The following CDH23 variants were observed in gnomAD, a reference collection of about 807,000 sequenced individuals.
CDH23 encodes cadherin related 23, also known as cadherin-23.
CDH23 carries 189 observed loss-of-function variants against 317.1 expected under a neutral mutation model. The ratio of observed to expected loss-of-function variants is 0.60; its 90% CI spans 0.53 to 0.67. CDH23 has a LOEUF of 0.67. Ranked by LOEUF, CDH23 falls within the 30% of genes least tolerant of loss-of-function variation. The pLI is 0.00. For synonymous variants in CDH23, 1,839 were observed against 1,876.8 expected, an observed-to-expected ratio of 0.98 and a Z score of 0.52; for missense variants, 4,401 against 4,592.4, an observed-to-expected ratio of 0.96 and a Z score of 1.20.
intron 38 of CDH23, chr10:71,755,259 T>C (rs903011522): frequency 4.8e-6 from 5 of 1,049,740 alleles, no homozygotes; most frequent in Non-Finnish European, 7.0e-6. Context: ...GAAAAGGAAT[T>C]GTGCCTGCAT....
intron 41 of CDH23, among the ~76,000 whole-genome samples, chr10:71,781,105 G>A (rs1840941146): frequency 1.3e-5 from 2 of 152,202 alleles, no homozygotes; most frequent in African/African-American, 4.8e-5. Context: ...GGTCTGGGCT[G>A]GAGACGGGTA....
chr10:71,807,223 G>A, intron 57 of CDH23, 54 bp from the exon 58 acceptor site: 1 of 1,597,130 alleles, frequency 6.3e-7, no homozygotes, highest in Non-Finnish European at 8.6e-7. Flanking sequence ...AACAGGGACT[G>A]GAAGCTCGGG....
At position 71,712,808 on chromosome 10, in the gene CDH23, T is replaced by G. The variant is rs77821631; in HGVS notation, c.3364T>G (p.Leu1122Val). 1,998 of 1,611,752 alleles carry G rather than the reference T, an allele frequency of 1.2e-3. 24 individuals are homozygous for G. In the African/African-American group the frequency reaches 0.023, roughly 19 times the overall value. The change falls in exon 28 of 70, where the codon TTG becomes GTG. Residue 1122 changes from leucine (L) to valine (V), a missense_variant. Physicochemically the swap from Leu to Val is conservative, Grantham distance 32. Coordinates refer to ENST00000224721, the MANE Select transcript of CDH23 (RefSeq NM_022124.6). Reference protein sequence around the residue: ...PEDIPEGHSILQLKATDADEG... With the variant: ...PEDIPEGHSIVQLKATDADEG... Reference sequence around the variant, plus strand: ...GGACATCCCTGAAGGCCACAGCATCTTGCAGGCAGGTGGCCCGTGGCCTCT... The same window carrying G: ...GGACATCCCTGAAGGCCACAGCATCGTGCAGGCAGGTGGCCCGTGGCCTCT...
intron 14 of CDH23, among the ~76,000 whole-genome samples, chr10:71,672,580 C>A (rs540973398): frequency 6.6e-6 from 1 of 152,192 alleles, no homozygotes; most frequent in East Asian, 1.9e-4. Flanking sequence ...GATCAGCATC[C>A]GCAGCCTGGG....
intron 27 of CDH23, among the ~76,000 whole-genome samples, chr10:71,710,937 TGAGGGCCCCA>T (rs1464698184): frequency 1.3e-5 from 2 of 152,172 alleles, no homozygotes; most frequent in Admixed American, 6.5e-5. Flanking sequence ...AGGGAGCCCT[TGAGGGCCCCA>T]GAGGGGAAGA....
At chr10:71,561,394 T>C (rs1857124294) in intron 6 of CDH23, among the ~76,000 whole-genome samples, 2 of 152,064 alleles carry the variant, frequency 1.3e-5, no homozygotes, top group South Asian at 4.2e-4. Context: ...CTTTTCTCCC[T>C]TGCTGCACAC....
intron 6 of CDH23, among the ~76,000 whole-genome samples, chr10:71,545,998 G>A (rs1856258305): frequency 6.6e-6 from 1 of 152,170 alleles, no homozygotes; most frequent in Non-Finnish European, 1.5e-5. Flanking sequence ...TGAAAGCAGA[G>A]GGTTTTGGAG....
At chr10:71,532,319 T>C (rs937358261) in intron 6 of CDH23, among the ~76,000 whole-genome samples, 2 of 152,234 alleles carry the variant, frequency 1.3e-5, no homozygotes, top group Non-Finnish European at 2.9e-5. Context: ...TCCGCCAGCC[T>C]CCTGGCTGCG....
chr10:71,678,648 T>C (rs1864476012), intron 16 of CDH23, among the ~76,000 whole-genome samples: 1 of 152,186 alleles, frequency 6.6e-6, no homozygotes, highest in Admixed American at 6.5e-5. Context: ...CTGCCCTCCC[T>C]GCTCAGCTCC....
rs758397920 is a variant in CDH23, at chr10:71,677,531, C to T, written c.1590C>T (p.Thr530=). 2.2e-5 allele frequency: 35 copies of T among 1,612,128 alleles called. No individual in the cohort carries two copies. The highest frequency in any genetic ancestry group is 1.7e-5 in the Admixed American group (1 of 59,794). Residue 530 remains threonine (T), a synonymous_variant, in exon 16 of 70, where the codon ACC becomes ACT. Coordinates refer to ENST00000224721, the MANE Select transcript of CDH23 (RefSeq NM_022124.6). ...RLDYELIQRF[T]LTIIARDGGG... ...ACTATGAGCTCATCCAGCGCTTCACCCTGACGATCATTGCCCGGGACGGGG... is the reference window on the plus strand; with the variant it reads ...ACTATGAGCTCATCCAGCGCTTCACTCTGACGATCATTGCCCGGGACGGGG...
Position 71,784,477 on chromosome 10 carries a change from G to C in CDH23, c.5502+57G>C, listed in dbSNP as rs369816877. ...CCTCGCTGCCCCTGTACTTGCCACA[G>C]AGATTCTTGTAAACATTGTTACCCT... On this transcript the variant is annotated intron_variant, in intron 42 of 69. Coordinates refer to ENST00000224721, the MANE Select transcript of CDH23 (RefSeq NM_022124.6). 3.8e-6 allele frequency: 6 copies of C among 1,578,654 alleles called. No individual in the cohort carries two copies. The East Asian group carries it at 6.7e-5, about 18-fold the overall frequency.
intron 24 of CDH23, among the ~76,000 whole-genome samples, 186 bp from the exon 25 acceptor site, chr10:71,704,725 G>A (rs533978859): frequency 8.9e-4 from 135 of 152,294 alleles, no homozygotes; most frequent in African/African-American, 3.2e-3. Context: ...GCTGACATGC[G>A]ACCCCCTTAG....
rs117358671 is a variant in CDH23 at position 71,708,472 on chromosome 10, G to A, written c.3107-626G>A. On this transcript the variant is annotated intron_variant, in intron 26 of 69. Coordinates refer to ENST00000224721, the MANE Select transcript of CDH23 (RefSeq NM_022124.6). ...TTCTGGGAGTTCCTTCCTGACTCCCGTCCACCGCGAGAGGAGACCCTCACA... is the reference window on the plus strand; with the variant it reads ...TTCTGGGAGTTCCTTCCTGACTCCCATCCACCGCGAGAGGAGACCCTCACA... Among the ~76,000 whole-genome samples the A allele has an allele frequency of 5.8e-4, 88 of 152,282 alleles. 1 individual carries two copies. In the East Asian group the frequency reaches 0.013, roughly 22 times the overall value.
At position 71,705,042 on chromosome 10, in the gene CDH23, C is replaced by A; in HGVS notation, c.2865C>A (p.Arg955=). The A allele has an allele frequency of 6.2e-7, 1 of 1,612,698 alleles. No individual in the cohort carries two copies. The part of the protein sequence containing the change: ...GVVVTTTELD[R]ERIAEYQLRV... ...TGGTCACCACCACCGAGCTGGACCG[C>A]GAGCGCATCGCGGAGTACCAGCTGC... Residue 955 remains arginine (R), a synonymous_variant, in exon 25 of 70, where the codon CGC becomes CGA. Coordinates refer to ENST00000224721, the MANE Select transcript of CDH23 (RefSeq NM_022124.6).
chr10:71,803,414 CAG>C lies in CDH23; in HGVS notation c.7871_7872del (p.Glu2624GlyfsTer18). The C allele has an allele frequency of 6.3e-7, 1 of 1,590,756 alleles. No individual in the cohort carries two copies. Among genetic ancestry groups the C allele is most frequent in the Non-Finnish European group, 8.6e-7 (1 of 1,169,360 alleles). On this transcript the variant is annotated frameshift_variant, in exon 55 of 70. Transcript: ENST00000224721. LOFTEE classifies it high-confidence loss of function. Reference protein sequence around the residue: ...RPPNGTILHIREEIPLRSNVY... With the variant: ...RPPNGTILHIXEEIPLRSNVY... Reference sequence around the variant, plus strand: ...CACCCAACGGCACCATCCTCCACATCAGAGAGGTACTCCTGCCCCGAGGGCCT... The same window carrying C: ...CACCCAACGGCACCATCCTCCACATCAGAGGTACTCCTGCCCCGAGGGCCT...
intron 6 of CDH23, among the ~76,000 whole-genome samples, chr10:71,521,659 C>T (rs1439042149): frequency 6.6e-6 from 1 of 152,210 alleles, no homozygotes; most frequent in East Asian, 1.9e-4. Flanking sequence ...GGAGGTTGGT[C>T]CTTTATCCCC....
chr10:71,500,018 C>CAAAAAAA (rs34690494), intron 3 of CDH23, among the ~76,000 whole-genome samples: 2 of 94,864 alleles, frequency 2.1e-5, no homozygotes, highest in African/African-American at 3.8e-5. Context: ...GACTCCATCT[C>CAAAAAAA]AAAAAAAAAA....
chr10:71,589,671 G>A lies in CDH23; in HGVS notation c.832+11679G>A, dbSNP rs575617853. ...GGCAGCCCTTGAAGGAGAGTTTGGG[G>A]AGATGGTGAGGAAGAAGGGTTGCCA... On this transcript the variant is annotated intron_variant, in intron 9 of 69. Coordinates refer to ENST00000224721, the MANE Select transcript of CDH23 (RefSeq NM_022124.6). 2.6e-5 allele frequency among the ~76,000 whole-genome samples: 4 copies of A among 152,336 alleles called. No individual in the cohort carries two copies. In the South Asian group the frequency reaches 8.3e-4, roughly 32 times the overall value.
intron 11 of CDH23, among the ~76,000 whole-genome samples, chr10:71,632,386 G>C (rs9663419): frequency 6.6e-6 from 1 of 152,250 alleles, no homozygotes; most frequent in Non-Finnish European, 1.5e-5. Context: ...GGGAGCCATA[G>C]ATGGTCCTTG....
Sources: allele counts gnomAD v4.1 joint callset (sites outside exome capture counted in the v4.1 genomes callset), GRCh38; gene constraint gnomAD v4.1.1; transcripts MANE v1.5; gene names NCBI Gene and HGNC (gene_info 2026-07-23, HGNC 2026-07-21).